The following TLL1 variants were observed in gnomAD, a reference collection of about 807,000 sequenced individuals.
TLL1 encodes tolloid-like protein 1.
A neutral mutation model predicts 128.2 loss-of-function variants in TLL1; 49 were observed. The observed-to-expected ratio is 0.38, with a 90% CI of 0.30 to 0.48. The LOEUF is 0.48. Among genes scored for constraint, TLL1 ranks in the 20% least tolerant of loss-of-function variants. The pLI, the probability that TLL1 is intolerant of heterozygous loss-of-function variation, is 0.96. For synonymous variants in TLL1, 454 were observed against 418.8 expected (o/e 1.08, Z -1.03); for missense variants, 1,123 against 1,242.0 (o/e 0.90, Z 1.44).
intron 1 of TLL1, among the ~76,000 whole-genome samples, chr4:165,959,090 T>C (rs1482851040): frequency 1.3e-5 from 2 of 150,752 alleles, no homozygotes; most frequent in African/African-American, 4.9e-5. Flanking sequence ...TTGGTACCAG[T>C]ACCATGCTGT....
intron 5 of TLL1, among the ~76,000 whole-genome samples, chr4:166,000,980 G>A (rs2111029741): frequency 6.6e-6 from 1 of 151,984 alleles, no homozygotes; most frequent in South Asian, 2.1e-4. Context: ...TAGTATGGAT[G>A]AAAATTATTA....
Position 165,896,019 on chromosome 4 carries a change from G to A in TLL1, c.169+21946G>A, listed in dbSNP as rs539347905. Among the ~76,000 whole-genome samples, 376 of 152,186 alleles carry A rather than the reference G, an allele frequency of 2.5e-3. 2 individuals carry two copies. Among genetic ancestry groups the A allele is most frequent in the African/African-American group, 8.4e-3 (349 of 41,528 alleles). On this transcript the variant is annotated intron_variant, in intron 1 of 20. Coordinates refer to ENST00000061240, the MANE Select transcript of TLL1 (RefSeq NM_012464.5). The stretch of plus-strand genomic sequence containing the variant: ...TACATAGGTATACATGTGCCATGGT[G>A]GTTTGCTGCACCCATCAACCCATCA...
chr4:165,969,414 G>A (rs1294914964), intron 1 of TLL1, among the ~76,000 whole-genome samples: 3 of 152,034 alleles, frequency 2.0e-5, no homozygotes, highest in Non-Finnish European at 2.9e-5. Context: ...TTAAGCATCA[G>A]GATTGCTGTA....
In TLL1 at chr4:166,074,933, G is replaced by A. The variant is rs115884871; in HGVS notation, c.2244G>A (p.Thr748=). Residue 748 remains threonine, a synonymous_variant, in exon 17 of 21, where the codon ACG becomes ACA. Transcript: ENST00000061240. Reference sequence around the variant, plus strand: ...GATGTCAGCACGAATGTGTCAACACGATGGGGAGCTACATGTGTCAATGCC... The same window carrying A: ...GATGTCAGCACGAATGTGTCAACACAATGGGGAGCTACATGTGTCAATGCC... ...NGGCQHECVN[T]MGSYMCQCRN... is the part of the protein sequence containing the mutation. The A allele has an allele frequency of 8.9e-4, 1,439 of 1,613,608 alleles. 13 individuals carry two copies. The African/African-American group carries it at 0.016, about 18-fold the overall frequency.
At chr4:165,890,659 C>A (rs1731359170) in intron 1 of TLL1, among the ~76,000 whole-genome samples, 2 of 152,242 alleles carry the variant, frequency 1.3e-5, no homozygotes, top group Admixed American at 1.3e-4. Context: ...GCTCCCATGG[C>A]CTTGGGCAGC....
intron 8 of TLL1, among the ~76,000 whole-genome samples, chr4:166,016,181 G>C (rs929153272): frequency 6.6e-6 from 1 of 151,786 alleles, no homozygotes; most frequent in East Asian, 1.9e-4. Context: ...TGTATATGTG[G>C]TATATTTTTT....
chr4:166,037,434 A>C lies in TLL1; in HGVS notation c.1159-1905A>C, dbSNP rs575935591. On this transcript the variant is annotated intron_variant, in intron 9 of 20. Transcript: ENST00000061240. Reference sequence around the variant, plus strand: ...GTAAACACTTAAAAAGTGGAACCTTACAATGAGGTGAAGAAAAAGAAAAAC... The same window carrying C: ...GTAAACACTTAAAAAGTGGAACCTTCCAATGAGGTGAAGAAAAAGAAAAAC... Among the ~76,000 whole-genome samples the C allele has an allele frequency of 2.6e-5, 4 of 152,350 alleles. No individual in the cohort carries two copies. The East Asian group carries it at 7.7e-4, about 29-fold the overall frequency.
At chr4:165,911,079 A>G (rs1051268294) in intron 1 of TLL1, among the ~76,000 whole-genome samples, 3 of 152,140 alleles carry the variant, frequency 2.0e-5, no homozygotes, top group Admixed American at 6.6e-5. Context: ...GAGATATATA[A>G]TGTGTTATTA....
chr4:165,975,085 G>T (rs1270158545), intron 1 of TLL1, among the ~76,000 whole-genome samples: 1 of 152,146 alleles, frequency 6.6e-6, no homozygotes, highest in Non-Finnish European at 1.5e-5. Context: ...TGGTTGGAAG[G>T]AGCTACGCCC....
chr4:166,018,017 A>G (rs1461315666), intron 8 of TLL1, among the ~76,000 whole-genome samples: 3 of 152,162 alleles, frequency 2.0e-5, no homozygotes, highest in African/African-American at 7.2e-5. Flanking sequence ...TAATAGGGTG[A>G]CTCATCTGTG....
chr4:165,906,040 G>T (rs1012363932), intron 1 of TLL1, among the ~76,000 whole-genome samples: 2 of 151,998 alleles, frequency 1.3e-5, no homozygotes, highest in African/African-American at 4.8e-5. Context: ...GCAAACTAAG[G>T]CCCGATGCCT....
Position 166,003,405 on chromosome 4 carries a change from T to C in TLL1, c.647T>C (p.Val216Ala), listed in dbSNP as rs1411455737. 5 of 1,614,020 alleles carry C rather than the reference T, an allele frequency of 3.1e-6. No homozygotes were observed. The highest frequency in any genetic ancestry group is 4.2e-6 in the Non-Finnish European group (5 of 1,179,928). ...TYRPCGCCSYVGRRGNGPQAI... is the reference protein window; with the variant it reads ...TYRPCGCCSYAGRRGNGPQAI... ...TTTTATTCCAGATGCTGCTCCTATG[T>C]AGGTCGGCGAGGAAATGGACCTCAG... The change falls in exon 6 of 21, where the codon GTA becomes GCA. Residue 216 changes from valine (V) to alanine (A), a missense_variant. By Grantham distance (64) the Val-to-Ala change is moderately conservative. This residue lies in a region of TLL1 where 480 missense variants were observed against 542.4 expected (regional missense o/e 0.89). Coordinates refer to ENST00000061240, the MANE Select transcript of TLL1 (RefSeq NM_012464.5).
At chr4:166,091,732 T>A (rs1490713944) in intron 19 of TLL1, among the ~76,000 whole-genome samples, 2 of 152,136 alleles carry the variant, frequency 1.3e-5, no homozygotes, top group African/African-American at 4.8e-5. Context: ...TCTAATAACC[T>A]ATCTGATTAG....
intron 7 of TLL1, among the ~76,000 whole-genome samples, chr4:166,008,457 A>G (rs1394216670): frequency 2.0e-5 from 3 of 151,510 alleles, no homozygotes; most frequent in African/African-American, 7.2e-5. Context: ...AAATGTCACA[A>G]TCTAGGCGAC....
chr4:166,059,274 T>G (rs76967722), intron 14 of TLL1, among the ~76,000 whole-genome samples: 6,636 of 152,138 alleles, frequency 0.044, 230 homozygotes, highest in African/African-American at 0.098. Flanking sequence ...AGGTAACTCT[T>G]GACTCCTTAG....
chr4:166,061,190 G>C (rs1740292595), intron 15 of TLL1, among the ~76,000 whole-genome samples: 1 of 150,812 alleles, frequency 6.6e-6, no homozygotes, highest in South Asian at 2.1e-4. Context: ...TTGCTTTTGT[G>C]TGTCTATTTT....
At chr4:165,993,874 T>G (rs1320740086) in intron 3 of TLL1, among the ~76,000 whole-genome samples, 2 of 152,134 alleles carry the variant, frequency 1.3e-5, no homozygotes, top group African/African-American at 4.8e-5. Context: ...GCTGAGACCA[T>G]ATTTGTCTTA....
intron 5 of TLL1, among the ~76,000 whole-genome samples, chr4:166,003,170 G>A (rs1447470431): frequency 6.6e-6 from 1 of 152,102 alleles, no homozygotes; most frequent in East Asian, 1.9e-4. Flanking sequence ...CTAATATATA[G>A]ATAATTACAA....
At chr4:166,063,233 T>A (rs1490852799) in intron 15 of TLL1, among the ~76,000 whole-genome samples, 3 of 151,986 alleles carry the variant, frequency 2.0e-5, no homozygotes, top group African/African-American at 7.3e-5. Context: ...AACAGACACA[T>A]GAAAAAATGC....
Sources: gnomAD v4.1 joint callset for allele counts (sites outside exome capture counted in the v4.1 genomes callset) on GRCh38, gnomAD v4.1.1 for gene constraint, gnomAD v4.1.1 regional missense constraint, MANE v1.5 for transcripts, NCBI Gene and HGNC (gene_info 2026-07-23, HGNC 2026-07-21) for gene names.